TSPAN14: variants seen among roughly 807,000 people sequenced by gnomAD.
TSPAN14 encodes the protein tetraspanin 14.
Under a neutral mutation model 36.6 loss-of-function variants are expected in TSPAN14, and 16 were observed. That is an observed-to-expected ratio of 0.44 (90% CI 0.30 to 0.66). The LOEUF (loss-of-function observed/expected upper bound fraction) is 0.66. TSPAN14 is among the 30% of genes least tolerant of loss of function. The pLI, the probability that TSPAN14 is intolerant of heterozygous loss-of-function variation, is 0.12. For missense variants in TSPAN14, 231 were observed against 355.1 expected (o/e 0.65, Z 2.81); for synonymous variants, 139 against 143.8 (o/e 0.97, Z 0.24).
At chr10:80,516,086 C>A in intron 7 of TSPAN14, 118 bp from the exon 8 acceptor site, 1 of 1,516,166 alleles carries the variant, frequency 6.6e-7, no homozygotes, top group Non-Finnish European at 9.0e-7. Flanking sequence ...CCTTGCCTGC[C>A]TCCTGGATCC....
Position 80,509,726 on chromosome 10 carries a change from C to A in TSPAN14, c.450+255C>A, listed in dbSNP as rs914848358. ...GCTGTACCCGAGGCCACCCACCCCC[C>A]ACGTGCCCGGCCCTCCTCTTTCGGC... On this transcript the variant is annotated intron_variant, in intron 5 of 8. Coordinates refer to ENST00000429989, the Ensembl canonical transcript of TSPAN14. This position sits in a 1 kb window ranked among gnomAD's most constrained non-coding sequence, Gnocchi z 4.7. 6 of 483,476 alleles carry A rather than the reference C, an allele frequency of 1.2e-5. No individual in the cohort carries two copies. The highest frequency in any genetic ancestry group is 1.9e-5 in the Non-Finnish European group (5 of 268,546). 29.9% of individuals were successfully genotyped at this position (483,476 alleles called of 1,614,324 possible).
chr10:80,481,486 A>G (rs934455280), intron 1 of TSPAN14, among the ~76,000 whole-genome samples: 1 of 152,204 alleles, frequency 6.6e-6, no homozygotes, highest in Non-Finnish European at 1.5e-5. Context: ...TCACATGGTC[A>G]TAATAAGGTC....
chr10:80,507,146 CA>C, intron 3 of TSPAN14, 81 bp from the exon 4 acceptor site: 1 of 1,546,360 alleles, frequency 6.5e-7, no homozygotes, highest in Non-Finnish European at 8.8e-7. Context: ...TCCCTGTTTT[CA>C]GTACCACCTG....
At chr10:80,513,972 G>C (rs1048517000) in intron 6 of TSPAN14, 47 bp from the exon 7 acceptor site, 1 of 1,589,728 alleles carries the variant, frequency 6.3e-7, no homozygotes, top group Non-Finnish European at 8.6e-7. Context: ...CTTAGCACCA[G>C]CTTCTTGAGA....
At chr10:80,464,085 C>T (rs148381901) in intron 1 of TSPAN14, among the ~76,000 whole-genome samples, 1 of 152,190 alleles carries the variant, frequency 6.6e-6, no homozygotes, top group Admixed American at 6.5e-5. Context: ...TGGGTTCCAG[C>T]AACCTCACGA....
intron 5 of TSPAN14, among the ~76,000 whole-genome samples, chr10:80,510,333 C>T (rs570532099): frequency 6.6e-6 from 1 of 152,318 alleles, no homozygotes; most frequent in African/African-American, 2.4e-5. Context: ...ATTATGGGAT[C>T]CAGCAAAACC....
At chr10:80,484,636 A>G (rs1159208274) in intron 1 of TSPAN14, among the ~76,000 whole-genome samples, 1 of 152,200 alleles carries the variant, frequency 6.6e-6, no homozygotes, top group African/African-American at 2.4e-5. Context: ...TTTTTGAAGT[A>G]TGGGTCTCTA....
At chr10:80,490,440 A>G (rs1380796150) in intron 2 of TSPAN14, among the ~76,000 whole-genome samples, 2 of 152,208 alleles carry the variant, frequency 1.3e-5, no homozygotes, top group Non-Finnish European at 2.9e-5. Context: ...AAGTTGGCTG[A>G]GAGCGAGTGG....
intron 1 of TSPAN14, among the ~76,000 whole-genome samples, chr10:80,467,435 C>T (rs557578019): frequency 6.6e-6 from 1 of 152,274 alleles, no homozygotes; most frequent in African/African-American, 2.4e-5. Flanking sequence ...GATTTGAATT[C>T]GGGCTTACTG....
chr10:80,507,431 G>A, intron 4 of TSPAN14, 57 bp downstream of exon 4: 1 of 1,611,192 alleles, frequency 6.2e-7, no homozygotes, highest in Non-Finnish European at 8.5e-7. Context: ...AGGCTCTGCT[G>A]GGCAGGATTA....
intron 2 of TSPAN14, among the ~76,000 whole-genome samples, chr10:80,493,107 T>C (rs958570630): frequency 3.3e-5 from 5 of 152,222 alleles, no homozygotes; most frequent in African/African-American, 1.2e-4. Context: ...TAGTGTTTTT[T>C]ACTTACTGAA....
intron 1 of TSPAN14, among the ~76,000 whole-genome samples, chr10:80,460,283 A>G (rs1468586326): frequency 6.6e-6 from 1 of 152,204 alleles, no homozygotes; most frequent in Non-Finnish European, 1.5e-5. Context: ...CAGGCAGGCC[A>G]GGGTGATCAG....
At chr10:80,518,328 C>T (rs1190265625) in exon 9 of TSPAN14, 2 of 314,928 alleles carry the variant, frequency 6.4e-6, no homozygotes, top group Non-Finnish European at 1.2e-5. Context: ...ACACCCTGGT[C>T]CCCTCTCCAC....
chr10:80,486,481 G>A (rs1205988802), intron 1 of TSPAN14, among the ~76,000 whole-genome samples: 2 of 152,332 alleles, frequency 1.3e-5, no homozygotes, highest in Non-Finnish European at 2.9e-5. Context: ...GTTTCTTTGT[G>A]GAGCTTTCAT....
chr10:80,470,974 G>T (rs1474275403), intron 1 of TSPAN14, among the ~76,000 whole-genome samples: 1 of 152,186 alleles, frequency 6.6e-6, no homozygotes, highest in South Asian at 2.1e-4. Context: ...CACAGCTCTC[G>T]ATCCCAAACT....
intron 1 of TSPAN14, among the ~76,000 whole-genome samples, chr10:80,486,262 C>G (rs1246069907): frequency 4.6e-5 from 7 of 151,760 alleles, no homozygotes; most frequent in Non-Finnish European, 8.9e-5. Context: ...CGCTGGCCTT[C>G]CTGCCAACTG....
chr10:80,474,693 C>T (rs1003040876), intron 1 of TSPAN14, among the ~76,000 whole-genome samples: 1 of 151,994 alleles, frequency 6.6e-6, no homozygotes, highest in Non-Finnish European at 1.5e-5. Context: ...GCAAACACTC[C>T]AGGGACATCA....
chr10:80,508,999 C>CT (rs2132050819), intron 4 of TSPAN14, among the ~76,000 whole-genome samples: 1 of 152,334 alleles, frequency 6.6e-6, no homozygotes, highest in South Asian at 2.1e-4. Context: ...AGGAGGGCTG[C>CT]TTCATAGCAA....
chr10:80,490,030 G>T (rs1419552947), intron 2 of TSPAN14, among the ~76,000 whole-genome samples: 1 of 152,188 alleles, frequency 6.6e-6, no homozygotes, highest in Non-Finnish European at 1.5e-5. Context: ...GGGGACAGAG[G>T]CATGCAGGAT....
Sources: gnomAD v4.1 joint callset for allele counts (sites outside exome capture counted in the v4.1 genomes callset) on GRCh38, gnomAD v4.1.1 for gene constraint, Gnocchi (gnomAD v3.1) non-coding constraint, MANE v1.5 for transcripts, NCBI Gene and HGNC (gene_info 2026-07-23, HGNC 2026-07-21) for gene names.